Variants in TMEM134 observed in about 807,000 individuals in gnomAD.
TMEM134 encodes transmembrane protein 134.
TMEM134 carries 36 observed loss-of-function variants against 26.2 expected under a neutral mutation model. The observed-to-expected ratio is 1.37, with a 90% confidence interval of 1.05 to 1.81. The LOEUF (loss-of-function observed/expected upper bound fraction) is 1.81, where lower values mean the gene tolerates loss of function less well. TMEM134 is among the 40% of genes most tolerant of loss of function. The pLI is 0.00. For missense variants in TMEM134, 339 were observed against 263.5 expected, an observed-to-expected ratio of 1.29 and a Z score of -1.98; for synonymous variants, 133 against 113.6, an observed-to-expected ratio of 1.17 and a Z score of -1.08.
chr11:67,468,104 C>A lies in TMEM134; in HGVS notation c.175-12G>T. 1 of 1,558,122 alleles carries A rather than the reference C, an allele frequency of 6.4e-7. No homozygotes were observed. Among genetic ancestry groups the A allele is most frequent in the Non-Finnish European group, 8.7e-7 (1 of 1,150,472 alleles). On this transcript the variant is annotated splice_polypyrimidine_tract_variant and intron_variant, in intron 1 of 6. Transcript: ENST00000308022. ...TCGTTCTCCAGGTTCTGTTGCAGAA[C>A]ACAGGTCTCAGGGGGGTTGCTGGGC...
In TMEM134 at chr11:67,464,676, AGAT is replaced by A; in HGVS notation, c.523_525del (p.Ile175del). The stretch of plus-strand genomic sequence containing the variant: ...CCCCGGTGGCCCTTGACCGCGCAGT[AGAT>A]GAAGATCACGTGATAGACTGCGGGG... On this transcript the variant is annotated inframe_deletion, in exon 7 of 7. Coordinates refer to ENST00000308022, the MANE Select transcript of TMEM134 (RefSeq NM_025124.4). 4 of 1,553,886 alleles carry A rather than the reference AGAT, an allele frequency of 2.6e-6. No homozygotes were observed. Among genetic ancestry groups the A allele is most frequent in the Non-Finnish European group, 2.6e-6 (3 of 1,148,078 alleles).
chr11:67,467,440 C>T (rs751536598), intron 3 of TMEM134, 52 bp from the exon 4 acceptor site: 16 of 1,611,690 alleles, frequency 9.9e-6, no homozygotes, highest in Non-Finnish European at 1.4e-5. Context: ...GGAGGGGGTG[C>T]AGGAGGCTGT....
chr11:67,469,139 C>T lies in TMEM134; in HGVS notation c.54G>A (p.Leu18=). Residue 18 remains leucine, a synonymous_variant, in exon 1 of 7, where the codon CTG becomes CTA. Transcript: ENST00000308022. ...ACTCGGGCCCAGGGCCCCCGTCCTC[C>T]AGGGACAGCTCGAAGGCATCATCAA... ...FSIDDAFELS[L]EDGGPGPESS... 2.0e-6 allele frequency: 3 copies of T among 1,486,682 alleles called. No homozygotes were observed. Among genetic ancestry groups the T allele is most frequent in the Non-Finnish European group, 2.7e-6 (3 of 1,115,944 alleles). 92.1% of individuals were successfully genotyped at this position (1,486,682 alleles called of 1,614,324 possible).
intron 1 of TMEM134, among the ~76,000 whole-genome samples, chr11:67,468,808 G>A (rs1865456272): frequency 6.6e-6 from 1 of 152,186 alleles, no homozygotes; most frequent in Non-Finnish European, 1.5e-5. Context: ...CCCGGGCACT[G>A]GGCTCTTCCC....
intron 3 of TMEM134, 27 bp from the exon 4 acceptor site, chr11:67,467,415 G>A: frequency 6.2e-7 from 1 of 1,613,530 alleles, no homozygotes. Context: ...CAGGGTGAAT[G>A]TGAAGGAGGT....
rs1266126030 is a variant in TMEM134, at chr11:67,469,197, C to A, written c.-5G>T. Reference sequence around the variant, plus strand: ...CTGGGGCCGGGCGGCGCTCATGGCCCCGGCCCGCTCAGGCGCCGTGCGCCG... The same window carrying A: ...CTGGGGCCGGGCGGCGCTCATGGCCACGGCCCGCTCAGGCGCCGTGCGCCG... On this transcript the variant is annotated 5_prime_UTR_variant, in exon 1 of 7. Transcript: ENST00000308022. The A allele has an allele frequency of 7.7e-7, 1 of 1,292,948 alleles. No homozygotes were observed. The allele number at this position is 1,292,948 out of a possible 1,614,324, so 80.1% of individuals were successfully genotyped here.
At position 67,469,244 on chromosome 11, in the gene TMEM134, C is replaced by T; in HGVS notation, c.-52G>A. On this transcript the variant is annotated 5_prime_UTR_variant, in exon 1 of 7. Transcript: ENST00000308022. ...GCCGCCGCCATCTGCGCCCACACAC[C>T]CAGCGTCGCCGCTGCCCCGCCCCCG... The T allele has an allele frequency of 8.1e-7, 1 of 1,229,504 alleles. No homozygotes were observed. Among genetic ancestry groups the T allele is most frequent in the Non-Finnish European group, 1.0e-6 (1 of 982,768 alleles). 76.2% of individuals were successfully genotyped at this position (1,229,504 alleles called of 1,614,324 possible). A position where few individuals can be genotyped will look rare whatever the true frequency, so the allele number is the denominator to read the frequency against.
chr11:67,464,674 G>A lies in TMEM134; in HGVS notation c.528C>T (p.Tyr176=). The change falls in exon 7 of 7, where the codon TAC becomes TAT. Residue 176 remains tyrosine (Y), a synonymous_variant. Coordinates refer to ENST00000308022, the MANE Select transcript of TMEM134 (RefSeq NM_025124.4). ...AGCCCCGGTGGCCCTTGACCGCGCA[G>A]TAGATGAAGATCACGTGATAGACTG... ...VPGVYHVIFI[Y]CAVKGHRGFQ... is the part of the protein sequence containing the mutation. 1 of 1,553,846 alleles carries A rather than the reference G, an allele frequency of 6.4e-7. No individual in the cohort carries two copies. The highest frequency in any genetic ancestry group is 8.7e-7 in the Non-Finnish European group (1 of 1,148,044).
intron 4 of TMEM134, chr11:67,465,904 CTAT>C (rs1332907833): frequency 1.3e-5 from 2 of 151,474 alleles, no homozygotes; most frequent in African/African-American, 2.4e-5. Context: ...GACCTTGTCT[CTAT>C]TATTATTTTA....
Position 67,469,123 on chromosome 11 carries a change from C to G in TMEM134, c.70G>C (p.Gly24Arg). The G allele has an allele frequency of 6.7e-7, 1 of 1,501,688 alleles. No homozygotes were observed. Among genetic ancestry groups the G allele is most frequent in the South Asian group, 1.2e-5 (1 of 80,508 alleles). 93.0% of individuals were successfully genotyped at this position (1,501,688 alleles called of 1,614,324 possible). A position where few individuals can be genotyped will look rare whatever the true frequency, so the allele number is the denominator to read the frequency against. Residue 24 changes from glycine (G) to arginine (R), a missense_variant, in exon 1 of 7, where the codon GGG (glycine) becomes CGG (arginine). Gly to Arg is a moderately radical substitution (Grantham distance 125, BLOSUM62 -2). Coordinates refer to ENST00000308022, the MANE Select transcript of TMEM134 (RefSeq NM_025124.4). ...FELSLEDGGP[G>R]PESSGVARFG... ...CGCGCGACCCCGCTGGACTCGGGCC[C>G]AGGGCCCCCGTCCTCCAGGGACAGC...
rs964737700 is a variant in TMEM134, at chr11:67,463,796, A to T, written c.*818T>A. 3.3e-5 allele frequency: 5 copies of T among 152,264 alleles called. No homozygotes were observed. The highest frequency in any genetic ancestry group is 1.2e-4 in the African/African-American group (5 of 41,452). 9.4% of individuals were successfully genotyped at this position (152,264 alleles called of 1,614,324 possible). On this transcript the variant is annotated 3_prime_UTR_variant, in exon 7 of 7. Coordinates refer to ENST00000308022, the MANE Select transcript of TMEM134 (RefSeq NM_025124.4). ...TGTTTCGTAAGATTCTGAAATGCTG[A>T]TGTTCCAAAATTCTGAGATGGTTTG...
intron 4 of TMEM134, chr11:67,465,313 G>T (rs1178822086): frequency 7.4e-7 from 1 of 1,354,490 alleles, no homozygotes; most frequent in Non-Finnish European, 9.6e-7. Flanking sequence ...TCCTTGGGGT[G>T]GGCTTTTAGT....
At position 67,465,120 on chromosome 11, in the gene TMEM134, CG is replaced by C; in HGVS notation, c.407-21del. ...TCAGCACTGCACACAGACGGAGCCGCGGGGGTGGGGGCAGGAGCAGTGGTGA... is the reference window on the plus strand; with the variant it reads ...TCAGCACTGCACACAGACGGAGCCGCGGGGTGGGGGCAGGAGCAGTGGTGA... On this transcript the variant is annotated intron_variant, in intron 4 of 6. Coordinates refer to ENST00000308022, the MANE Select transcript of TMEM134 (RefSeq NM_025124.4). 6.4e-7 allele frequency: 1 copy of C among 1,558,568 alleles called. No homozygotes were observed.
chr11:67,464,739 C>A (rs1045547678), intron 6 of TMEM134, 43 bp from the exon 7 acceptor site: 3 of 1,549,360 alleles, frequency 1.9e-6, no homozygotes, highest in Non-Finnish European at 2.6e-6. Flanking sequence ...CGCCCCTCCC[C>A]GCAACACCGC....
rs915108558 is a variant in TMEM134, at chr11:67,469,175, G to A, written c.18C>T (p.Pro6=). The part of the protein sequence containing the change: MSAAR[P]QFSIDDAFEL... ...CGAAGGCATCATCAATGCTGAACTG[G>A]GGCCGGGCGGCGCTCATGGCCCCGG... Residue 6 remains proline (P), a synonymous_variant, in exon 1 of 7, where the codon CCC becomes CCT. Transcript: ENST00000308022. The A allele has an allele frequency of 1.0e-5, 14 of 1,362,460 alleles. No homozygotes were observed. The highest frequency in any genetic ancestry group is 1.2e-5 in the Non-Finnish European group (13 of 1,048,398). 84.4% of individuals were successfully genotyped at this position (1,362,460 alleles called of 1,614,324 possible). A position where few individuals can be genotyped will look rare whatever the true frequency, so the allele number is the denominator to read the frequency against.
intron 1 of TMEM134, 62 bp downstream of exon 1, chr11:67,468,957 G>A (rs1230250991): frequency 2.9e-6 from 4 of 1,389,676 alleles, no homozygotes; most frequent in Admixed American, 3.1e-5. Context: ...TGAGGCCTTT[G>A]GGGCCCGGCC....
At chr11:67,468,332 C>T (rs376921789) in intron 1 of TMEM134, 26 of 541,408 alleles carry the variant, frequency 4.8e-5, no homozygotes, top group South Asian at 4.1e-4. Flanking sequence ...AGGAGAGCTC[C>T]CAACTTTGGG....
At position 67,464,809 on chromosome 11, in the gene TMEM134, G is replaced by A; in HGVS notation, c.499C>T (p.Pro167Ser). ...FFVPGFLLLV[P>S]GVYHVIFIYC... is the part of the protein sequence containing the mutation. ...CCCCGGTGCCCGCTCGCACCTCCAG[G>A]CACCAACAACAGGAAGCCCGGCACG... The change falls in exon 6 of 7, where the codon CCT (proline) becomes TCT (serine). Residue 167 changes from proline to serine, a missense_variant. Coordinates refer to ENST00000308022, the MANE Select transcript of TMEM134 (RefSeq NM_025124.4). 6.2e-7 allele frequency: 1 copy of A among 1,609,132 alleles called. No individual in the cohort carries two copies. The highest frequency in any genetic ancestry group is 8.5e-7 in the Non-Finnish European group (1 of 1,179,176).
chr11:67,464,983 G>T, intron 5 of TMEM134, 73 bp downstream of exon 5: 1 of 1,496,614 alleles, frequency 6.7e-7, no homozygotes, highest in Non-Finnish European at 9.1e-7. Flanking sequence ...CCGGGAGGTG[G>T]GAGGGCTTGC....
Sources: gnomAD v4.1 joint callset for allele counts (sites outside exome capture counted in the v4.1 genomes callset) on GRCh38, gnomAD v4.1.1 for gene constraint, MANE v1.5 for transcripts, NCBI Gene and HGNC (gene_info 2026-07-23, HGNC 2026-07-21) for gene names.